The following ADRA1A variants were observed in gnomAD, a reference collection of about 807,000 sequenced individuals.
The protein encoded by ADRA1A is adrenoceptor alpha 1A.
A neutral mutation model predicts 29.6 loss-of-function variants in ADRA1A; 31 were observed. That is an observed-to-expected ratio of 1.05 (90% CI 0.79 to 1.41). The LOEUF (loss-of-function observed/expected upper bound fraction) is 1.41, where lower values mean the gene tolerates loss of function less well. Among genes scored for constraint, ADRA1A ranks in the 40% most tolerant of loss-of-function variants. The probability of loss-of-function intolerance (pLI) is 0.00; values close to 1 mark genes in which losing one functional copy is unlikely to be tolerated. For missense variants in ADRA1A, 619 were observed against 601.1 expected, an observed-to-expected ratio of 1.03 and a Z score of -0.31; for synonymous variants, 311 against 254.3, an observed-to-expected ratio of 1.22 and a Z score of -2.12.
intron 2 of ADRA1A, among the ~76,000 whole-genome samples, chr8:26,837,646 G>A (rs1184983042): frequency 2.9e-5 from 3 of 103,514 alleles, no homozygotes; most frequent in African/African-American, 1.3e-4. Flanking sequence ...GAGAGACTCT[G>A]TCTCAAAAAA....
Position 26,848,427 on chromosome 8 carries a change from G to C in ADRA1A, c.883+15660C>G, listed in dbSNP as rs1812373935. On this transcript the variant is annotated intron_variant, in intron 2 of 2. Coordinates refer to ENST00000380573, the MANE Select transcript of ADRA1A (RefSeq NM_000680.4). The surrounding 1 kb of genome is among the most constrained non-coding windows in gnomAD (Gnocchi z 4.3). ...AATGAGATTCATGCCCTTATACAAA[G>C]AGGAAGGTACCAGAGAGCTCTCTCT... Among the ~76,000 whole-genome samples, 1 of 152,188 alleles carries C rather than the reference G, an allele frequency of 6.6e-6. No homozygotes were observed. Among genetic ancestry groups the C allele is most frequent in the Non-Finnish European group, 1.5e-5 (1 of 68,036 alleles).
At chr8:26,833,724 T>C (rs931419501) in intron 2 of ADRA1A, among the ~76,000 whole-genome samples, 1 of 152,250 alleles carries the variant, frequency 6.6e-6, no homozygotes, top group Admixed American at 6.5e-5. Context: ...CAAGACTGTC[T>C]TTCATACTTC....
At position 26,769,723 on chromosome 8, in the gene ADRA1A, C is replaced by T. The variant is rs902030334; in HGVS notation, c.*426G>A. 4.0e-6 allele frequency: 4 copies of T among 988,946 alleles called. No homozygotes were observed. Among genetic ancestry groups the T allele is most frequent in the Non-Finnish European group, 3.6e-6 (3 of 832,594 alleles). The allele number at this position is 988,946 out of a possible 1,614,324, so 61.3% of individuals were successfully genotyped here. A position where few individuals can be genotyped will look rare whatever the true frequency, so the allele number is the denominator to read the frequency against. ...CTCTCCCCATAAATGTCAAATGTGG[C>T]TGTCAGTAGGTTGAGCCTGAAAATA... On this transcript the variant is annotated 3_prime_UTR_variant, in exon 3 of 3. Transcript: ENST00000380573.
chr8:26,802,421 A>C (rs1228488553), intron 2 of ADRA1A, among the ~76,000 whole-genome samples: 2 of 152,234 alleles, frequency 1.3e-5, no homozygotes, highest in Admixed American at 1.3e-4. Flanking sequence ...GAAAGATATG[A>C]ATAGACATTT....
chr8:26,826,001 G>A (rs1305860062), intron 2 of ADRA1A, among the ~76,000 whole-genome samples: 2 of 152,212 alleles, frequency 1.3e-5, no homozygotes, highest in Non-Finnish European at 2.9e-5. Flanking sequence ...TTCTTCCTGA[G>A]AAGATGGCCA....
At position 26,806,661 on chromosome 8, in the gene ADRA1A, G is replaced by T. The variant is rs976169829; in HGVS notation, c.884-35995C>A. On this transcript the variant is annotated intron_variant, in intron 2 of 2. Transcript: ENST00000380573. This position sits in a 1 kb window ranked among gnomAD's most constrained non-coding sequence, Gnocchi z 4.6. ...GAATGGAACCTCTCTAATCGCCAGA[G>T]AGTCCGAGGTTTCTCCCTAAGTCTC... is the stretch of plus-strand genomic sequence containing the variant. Among the ~76,000 whole-genome samples, 1 of 152,134 alleles carries T rather than the reference G, an allele frequency of 6.6e-6. No individual in the cohort carries two copies. Among genetic ancestry groups the T allele is most frequent in the Non-Finnish European group, 1.5e-5 (1 of 68,012 alleles).
chr8:26,784,898 C>T (rs1343069040), intron 2 of ADRA1A, among the ~76,000 whole-genome samples: 2 of 152,156 alleles, frequency 1.3e-5, no homozygotes, highest in African/African-American at 2.4e-5. Context: ...TTGGCTTTAC[C>T]ATCAATGATA....
At chr8:26,782,355 A>C (rs1475142209) in intron 2 of ADRA1A, among the ~76,000 whole-genome samples, 1 of 152,230 alleles carries the variant, frequency 6.6e-6, no homozygotes, top group East Asian at 1.9e-4. Flanking sequence ...TAAAACATGC[A>C]GGATGTCTTT....
At chr8:26,820,288 A>G (rs182768911) in intron 2 of ADRA1A, among the ~76,000 whole-genome samples, 3 of 152,314 alleles carry the variant, frequency 2.0e-5, no homozygotes, top group Non-Finnish European at 4.4e-5. Context: ...AGCATAATAT[A>G]TGTTTTTCTC....
intron 2 of ADRA1A, among the ~76,000 whole-genome samples, chr8:26,793,051 T>C (rs1807945927): frequency 6.6e-6 from 1 of 151,740 alleles, no homozygotes; most frequent in African/African-American, 2.4e-5. Flanking sequence ...AAAAATAAAC[T>C]GAGACGGTAA....
chr8:26,817,873 A>C (rs1809875580), intron 2 of ADRA1A, among the ~76,000 whole-genome samples: 1 of 152,224 alleles, frequency 6.6e-6, no homozygotes, highest in Admixed American at 6.5e-5. Context: ...TGTTCATTTA[A>C]AATCTGTATG....
rs553589594 is a variant in ADRA1A, at chr8:26,847,582, G to A, written c.883+16505C>T. 9.2e-5 allele frequency among the ~76,000 whole-genome samples: 14 copies of A among 152,302 alleles called. 1 individual carries two copies. The South Asian group carries it at 1.5e-3, about 16-fold the overall frequency. On this transcript the variant is annotated intron_variant, in intron 2 of 2. Coordinates refer to ENST00000380573, the MANE Select transcript of ADRA1A (RefSeq NM_000680.4). ...AGTAGGTTTCTCACTGGCAACGAAT[G>A]CCCTGGCAATAAGCTAAATGTGGAT...
At chr8:26,758,955 A>G (rs182742608) in intron 2 of ADRA1A, among the ~76,000 whole-genome samples, 1 of 152,264 alleles carries the variant, frequency 6.6e-6, no homozygotes, top group Admixed American at 6.5e-5. Context: ...ATGTGCAAAA[A>G]CTTGGCATGT....
At chr8:26,786,996 A>C (rs1807443523) in intron 2 of ADRA1A, among the ~76,000 whole-genome samples, 1 of 152,186 alleles carries the variant, frequency 6.6e-6, no homozygotes, top group African/African-American at 2.4e-5. Context: ...ACATTATCCC[A>C]TTTAATTCTC....
At position 26,831,362 on chromosome 8, in the gene ADRA1A, G is replaced by A. The variant is rs1201409476; in HGVS notation, c.883+32725C>T. Among the ~76,000 whole-genome samples, 1 of 152,106 alleles carries A rather than the reference G, an allele frequency of 6.6e-6. No homozygotes were observed. Among genetic ancestry groups the A allele is most frequent in the Non-Finnish European group, 1.5e-5 (1 of 68,024 alleles). Reference sequence around the variant, plus strand: ...GGGGAGAAGAGATGCCAATGATGACGAGGCAGAGAGAGAGAGAGAAGGAGA... The same window carrying A: ...GGGGAGAAGAGATGCCAATGATGACAAGGCAGAGAGAGAGAGAGAAGGAGA... On this transcript the variant is annotated intron_variant, in intron 2 of 2. Coordinates refer to ENST00000380573, the MANE Select transcript of ADRA1A (RefSeq NM_000680.4). This position sits in a 1 kb window ranked among gnomAD's most constrained non-coding sequence, Gnocchi z 5.2.
intron 2 of ADRA1A, among the ~76,000 whole-genome samples, chr8:26,851,933 T>C (rs550355751): frequency 6.6e-6 from 1 of 152,282 alleles, no homozygotes; most frequent in East Asian, 1.9e-4. Flanking sequence ...TTAGTTAATA[T>C]ATACACTAAA....
At chr8:26,813,444 G>T (rs908866303) in intron 2 of ADRA1A, among the ~76,000 whole-genome samples, 3 of 152,060 alleles carry the variant, frequency 2.0e-5, no homozygotes, top group Non-Finnish European at 2.9e-5. Context: ...GACCCTACTT[G>T]CAAGAAAACC....
In ADRA1A at chr8:26,805,603, A is replaced by C. The variant is rs1808915548; in HGVS notation, c.884-34937T>G. On this transcript the variant is annotated intron_variant, in intron 2 of 2. Transcript: ENST00000380573. This position sits in a 1 kb window ranked among gnomAD's most constrained non-coding sequence, Gnocchi z 4.8. ...GATTACGAAACAGGCATGAGAGGCT[A>C]AGTAACTTGCCCAAGGCCATGGAAC... is the stretch of plus-strand genomic sequence containing the variant. 6.6e-6 allele frequency among the ~76,000 whole-genome samples: 1 copy of C among 152,214 alleles called. No homozygotes were observed. Among genetic ancestry groups the C allele is most frequent in the Non-Finnish European group, 1.5e-5 (1 of 68,030 alleles).
chr8:26,862,999 T>C (rs1813595240), intron 2 of ADRA1A, among the ~76,000 whole-genome samples: 1 of 152,024 alleles, frequency 6.6e-6, no homozygotes, highest in Non-Finnish European at 1.5e-5. Flanking sequence ...TAGGAAAATG[T>C]CTGGAACATA....
Sources: allele counts gnomAD v4.1 joint callset (sites outside exome capture counted in the v4.1 genomes callset), GRCh38; gene constraint gnomAD v4.1.1; non-coding constraint Gnocchi (gnomAD v3.1); transcripts MANE v1.5; gene names NCBI Gene and HGNC (gene_info 2026-07-23, HGNC 2026-07-21).